Variants in TSPEAR observed in about 807,000 individuals in gnomAD.
TSPEAR encodes thrombospondin-type laminin G domain and EAR repeat-containing protein.
TSPEAR carries 69 observed loss-of-function variants against 71.6 expected under a neutral mutation model. That is an observed-to-expected ratio of 0.96 (90% CI 0.79 to 1.18). TSPEAR has a LOEUF of 1.18. Ranked by LOEUF, TSPEAR falls within the 50% of genes most tolerant of loss-of-function variation. The pLI, the probability that TSPEAR is intolerant of heterozygous loss-of-function variation, is 0.00. For synonymous variants in TSPEAR, 402 were observed against 387.2 expected (o/e 1.04, Z -0.45); for missense variants, 971 against 894.9 (o/e 1.09, Z -1.09).
At chr21:44,692,933 G>A (rs1555949954) in intron 1 of TSPEAR, among the ~76,000 whole-genome samples, 1 of 152,052 alleles carries the variant, frequency 6.6e-6, no homozygotes, top group Non-Finnish European at 1.5e-5. Context: ...AAAGCTGGAG[G>A]ATTCACACTT....
chr21:44,505,773 G>A (rs868994650), intron 10 of TSPEAR, among the ~76,000 whole-genome samples: 1 of 151,962 alleles, frequency 6.6e-6, no homozygotes, highest in Non-Finnish European at 1.5e-5. Context: ...GTAACGCTCC[G>A]CTGTGTGAAT....
intron 1 of TSPEAR, chr21:44,580,552 G>A: frequency 6.2e-7 from 1 of 1,613,334 alleles, no homozygotes; most frequent in Non-Finnish European, 8.5e-7. Context: ...AAGCGCTGGA[G>A]CAGACGGACA....
At chr21:44,540,183 T>TGTGA (rs781971507) in intron 2 of TSPEAR, 1 of 1,599,636 alleles carries the variant, frequency 6.3e-7, no homozygotes, top group East Asian at 2.2e-5. Flanking sequence ...CTGCGGGAGG[T>TGTGA]GTGAGTGAGT....
intron 1 of TSPEAR, among the ~76,000 whole-genome samples, chr21:44,700,993 G>T (rs1323367013): frequency 1.3e-5 from 2 of 152,194 alleles, no homozygotes. Context: ...CCCTGGGAAA[G>T]GGTGTGGTGG....
At chr21:44,638,918 G>T (rs1247546167) in intron 1 of TSPEAR, among the ~76,000 whole-genome samples, 1 of 151,994 alleles carries the variant, frequency 6.6e-6, no homozygotes, top group East Asian at 1.9e-4. Context: ...ACCAGCTATG[G>T]ACCACAGTGC....
At position 44,711,352 on chromosome 21, in the gene TSPEAR, G is replaced by T; in HGVS notation, c.82+81C>A. On this transcript the variant is annotated intron_variant, in intron 1 of 11. Coordinates refer to ENST00000323084, the MANE Select transcript of TSPEAR (RefSeq NM_144991.3). The surrounding 1 kb of genome is among the most constrained non-coding windows in gnomAD (Gnocchi z 4.5). ...GGCACCGCGGCTTGAATCAGTGTTAGAAAGTGGCATTTGTGACTCGACACC... is the reference window on the plus strand; with the variant it reads ...GGCACCGCGGCTTGAATCAGTGTTATAAAGTGGCATTTGTGACTCGACACC... 7.5e-7 allele frequency: 1 copy of T among 1,327,378 alleles called. No homozygotes were observed. The highest frequency in any genetic ancestry group is 1.0e-6 in the Non-Finnish European group (1 of 954,218). 82.2% of individuals were successfully genotyped at this position (1,327,378 alleles called of 1,614,324 possible).
intron 1 of TSPEAR, among the ~76,000 whole-genome samples, chr21:44,675,526 CA>C (rs1986267111): frequency 1.5e-5 from 1 of 68,336 alleles, no homozygotes; most frequent in African/African-American, 6.3e-5. Flanking sequence ...GACAAGGATG[CA>C]TTTTTTTTTT....
intron 1 of TSPEAR, among the ~76,000 whole-genome samples, chr21:44,594,743 G>T (rs1980244257): frequency 6.6e-6 from 1 of 152,010 alleles, no homozygotes. Flanking sequence ...TTCCCGGCCT[G>T]CAGGATGGCT....
At chr21:44,577,216 TAAGAAGCTA>T (rs1163147655) in intron 1 of TSPEAR, among the ~76,000 whole-genome samples, 1 of 152,188 alleles carries the variant, frequency 6.6e-6, no homozygotes, top group African/African-American at 2.4e-5. Flanking sequence ...GCTTCCAGCT[TAAGAAGCTA>T]AAGAAGCATA....
chr21:44,579,704 C>T lies in TSPEAR; in HGVS notation c.83-11699G>A, dbSNP rs1295350810. 3 of 1,567,692 alleles carry T rather than the reference C, an allele frequency of 1.9e-6. No individual in the cohort carries two copies. The East Asian group carries it at 6.7e-5, about 35-fold the overall frequency. ...GGCAACCTCCTAACCCGAGTCAGGA[C>T]CAGTTGGCCCTGGGGGATGTGCACA... On this transcript the variant is annotated intron_variant, in intron 1 of 11. Coordinates refer to ENST00000323084, the MANE Select transcript of TSPEAR (RefSeq NM_144991.3).
At chr21:44,579,618 G>C in intron 1 of TSPEAR, 1 of 1,055,476 alleles carries the variant, frequency 9.5e-7, no homozygotes, top group Admixed American at 2.7e-5. Flanking sequence ...CGAGGATGGA[G>C]ATTCCTGGGA....
At chr21:44,672,696 T>C (rs1368264819) in intron 1 of TSPEAR, among the ~76,000 whole-genome samples, 1 of 152,216 alleles carries the variant, frequency 6.6e-6, no homozygotes, top group African/African-American at 2.4e-5. Flanking sequence ...TTTCTATCTC[T>C]GCCCAAATCT....
intron 1 of TSPEAR, among the ~76,000 whole-genome samples, chr21:44,569,997 A>G (rs1172601367): frequency 6.6e-6 from 1 of 151,984 alleles, no homozygotes; most frequent in Non-Finnish European, 1.5e-5. Context: ...AACCCCATGC[A>G]CCCTACTGCC....
intron 11 of TSPEAR, among the ~76,000 whole-genome samples, 174 bp downstream of exon 11, chr21:44,504,606 T>A (rs1183837341): frequency 1.6e-5 from 1 of 61,658 alleles, no homozygotes; most frequent in Non-Finnish European, 3.0e-5. Flanking sequence ...GAAGCAAGTC[T>A]CTTGGAGGAG....
At chr21:44,521,590 G>A (rs1447079711) in intron 9 of TSPEAR, among the ~76,000 whole-genome samples, 1 of 151,778 alleles carries the variant, frequency 6.6e-6, no homozygotes, top group Non-Finnish European at 1.5e-5. Context: ...GCTTTATGGA[G>A]AACACCATGC....
chr21:44,550,579 G>T (rs2053396198), intron 2 of TSPEAR: 2 of 1,472,832 alleles, frequency 1.4e-6, no homozygotes, highest in Non-Finnish European at 1.8e-6. Flanking sequence ...GGCGGCTGTG[G>T]CTGGGGCTGC....
chr21:44,702,475 CCCGT>C (rs1180370185), intron 1 of TSPEAR: 1 of 1,609,092 alleles, frequency 6.2e-7, no homozygotes, highest in Non-Finnish European at 8.5e-7. Context: ...CTGCTGTGTG[CCCGT>C]CTGCTGCAAG....
chr21:44,685,927 C>T (rs782722090), intron 1 of TSPEAR, among the ~76,000 whole-genome samples: 1 of 152,208 alleles, frequency 6.6e-6, no homozygotes, highest in African/African-American at 2.4e-5. Flanking sequence ...ATAATCACAA[C>T]CTGGCACAGT....
At chr21:44,610,155 A>G (rs936692266) in intron 1 of TSPEAR, among the ~76,000 whole-genome samples, 2 of 152,250 alleles carry the variant, frequency 1.3e-5, no homozygotes, top group African/African-American at 4.8e-5. Flanking sequence ...TAGAAAAGAA[A>G]AACCCATTTT....
Sources: gnomAD v4.1 joint callset for allele counts (sites outside exome capture counted in the v4.1 genomes callset) on GRCh38, gnomAD v4.1.1 for gene constraint, Gnocchi (gnomAD v3.1) non-coding constraint, MANE v1.5 for transcripts, NCBI Gene and HGNC (gene_info 2026-07-23, HGNC 2026-07-21) for gene names.